Variants in DDX25 observed in about 807,000 individuals in gnomAD.
The protein encoded by DDX25 is DEAD-box helicase 25.
DDX25 carries 70 observed loss-of-function variants against 64.6 expected under a neutral mutation model. The observed-to-expected ratio is 1.08, with a 90% CI of 0.89 to 1.32. DDX25 has a LOEUF of 1.32. Among genes scored for constraint, DDX25 ranks in the 40% most tolerant of loss-of-function variants. The pLI, the probability that DDX25 is intolerant of heterozygous loss-of-function variation, is 0.00. For synonymous variants in DDX25, 211 were observed against 213.3 expected (o/e 0.99, Z 0.09); for missense variants, 587 against 604.4 (o/e 0.97, Z 0.30).
chr11:125,907,500 C>A (rs909697006), intron 4 of DDX25, among the ~76,000 whole-genome samples: 1 of 151,430 alleles, frequency 6.6e-6, no homozygotes, highest in Non-Finnish European at 1.5e-5. Context: ...CCTAGCTACT[C>A]GGGAGGCTGA....
rs1944950668 is a variant in DDX25, at chr11:125,910,398, T to C, written c.542T>C (p.Leu181Pro). ...LCLAPTYELALQTGRVVEQMG... is the reference protein window; with the variant it reads ...LCLAPTYELAPQTGRVVEQMG... ...CTAGCTCCTACTTATGAATTGGCTCTGCAAACTGGCCGTGTGGTTGAGCAG... is the reference window on the plus strand; with the variant it reads ...CTAGCTCCTACTTATGAATTGGCTCCGCAAACTGGCCGTGTGGTTGAGCAG... Residue 181 changes from leucine (L) to proline (P), a missense_variant, in exon 7 of 12, where the codon CTG becomes CCG. Coordinates refer to ENST00000263576, the MANE Select transcript of DDX25 (RefSeq NM_013264.5). The C allele has an allele frequency of 1.9e-6, 3 of 1,614,020 alleles. No individual in the cohort carries two copies. Among genetic ancestry groups the C allele is most frequent in the Non-Finnish European group, 2.5e-6 (3 of 1,179,890 alleles).
chr11:125,906,364 G>T (rs681416), intron 4 of DDX25, among the ~76,000 whole-genome samples, 155 bp downstream of exon 4: 41 of 151,464 alleles, frequency 2.7e-4, no homozygotes, highest in Middle Eastern at 3.4e-3. Context: ...CTGTCCCCCA[G>T]GCTGGAGTGC....
intron 9 of DDX25, among the ~76,000 whole-genome samples, chr11:125,918,028 G>A (rs557446312): frequency 6.6e-6 from 1 of 152,150 alleles, no homozygotes; most frequent in South Asian, 2.1e-4. Context: ...ACAGGCGCCT[G>A]CCACCACACC....
At chr11:125,916,697 C>T (rs1368388695) in intron 8 of DDX25, among the ~76,000 whole-genome samples, 1 of 152,234 alleles carries the variant, frequency 6.6e-6, no homozygotes, top group Non-Finnish European at 1.5e-5. Flanking sequence ...CTATAAAGAG[C>T]ATCTAGTCTA....
At chr11:125,914,884 A>G (rs767812977) in intron 8 of DDX25, among the ~76,000 whole-genome samples, 40 of 152,220 alleles carry the variant, frequency 2.6e-4, no homozygotes, top group Non-Finnish European at 5.6e-4. Context: ...CTGGGATCAC[A>G]GGCACGTGCC....
intron 10 of DDX25, among the ~76,000 whole-genome samples, chr11:125,920,652 T>C (rs532427119): frequency 6.6e-6 from 1 of 152,212 alleles, no homozygotes; most frequent in African/African-American, 2.4e-5. Flanking sequence ...GTGCTGGACA[T>C]TGCTGTGGTG....
rs1945068314 is a variant in DDX25 at position 125,918,507 on chromosome 11, T to C, written c.1039-121T>C. ...AGGCCCTGGAGGACTGAGGGAGAGG[T>C]GAAGCTCAACTCCTCTGCAGCCCTC... is the stretch of plus-strand genomic sequence containing the variant. On this transcript the variant is annotated intron_variant, in intron 9 of 11. Coordinates refer to ENST00000263576, the MANE Select transcript of DDX25 (RefSeq NM_013264.5). 6.9e-6 allele frequency: 9 copies of C among 1,311,158 alleles called. No homozygotes were observed. In the Admixed American group the frequency reaches 1.4e-4, roughly 20 times the overall value. 81.2% of individuals were successfully genotyped at this position (1,311,158 alleles called of 1,614,324 possible).
chr11:125,905,918 T>C (rs1370633540), intron 3 of DDX25, among the ~76,000 whole-genome samples, 156 bp from the exon 4 acceptor site: 1 of 152,190 alleles, frequency 6.6e-6, no homozygotes. Context: ...AAAGAACGAA[T>C]CCTCAGTGCT....
rs12417252 is a variant in DDX25 at position 125,925,135 on chromosome 11, C to T, written c.*2254C>T. 2,183 of 229,624 alleles carry T rather than the reference C, an allele frequency of 9.5e-3. 97 individuals are homozygous for T. The highest frequency in any genetic ancestry group is 0.084 in the Admixed American group (1,653 of 19,772). 14.2% of individuals were successfully genotyped at this position (229,624 alleles called of 1,614,324 possible). A position where few individuals can be genotyped will look rare whatever the true frequency, so the allele number is the denominator to read the frequency against. ...CCAGATACTTTGTTCTCTTACTATT[C>T]GAGAATCGAGTTGGACCTTCCACCG... On this transcript the variant is annotated 3_prime_UTR_variant, in exon 12 of 12. Transcript: ENST00000263576.
intron 4 of DDX25, among the ~76,000 whole-genome samples, chr11:125,907,115 C>T (rs1944898934): frequency 6.6e-6 from 1 of 152,064 alleles, no homozygotes; most frequent in Admixed American, 6.5e-5. Context: ...GTTTGCATTC[C>T]CTAGGGATTT....
Position 125,923,127 on chromosome 11 carries a change from G to A in DDX25, c.*246G>A, listed in dbSNP as rs1235400351. On this transcript the variant is annotated 3_prime_UTR_variant, in exon 12 of 12. Coordinates refer to ENST00000263576, the MANE Select transcript of DDX25 (RefSeq NM_013264.5). ...TTATTCTAATCTTTGTACAGGTAATGTCTCAATGTGGGCTATGGGGGTGTT... is the reference window on the plus strand; with the variant it reads ...TTATTCTAATCTTTGTACAGGTAATATCTCAATGTGGGCTATGGGGGTGTT... 2.2e-6 allele frequency: 1 copy of A among 462,860 alleles called. No homozygotes were observed. Among genetic ancestry groups the A allele is most frequent in the Non-Finnish European group, 3.9e-6 (1 of 259,006 alleles). 28.7% of individuals were successfully genotyped at this position (462,860 alleles called of 1,614,324 possible). A position where few individuals can be genotyped will look rare whatever the true frequency, so the allele number is the denominator to read the frequency against.
chr11:125,920,937 C>CACAG (rs1945104684), intron 10 of DDX25: 2 of 450,172 alleles, frequency 4.4e-6, no homozygotes, highest in African/African-American at 2.0e-5. Flanking sequence ...CACACACACA[C>CACAG]ACACACACAC....
At position 125,910,443 on chromosome 11, in the gene DDX25, A is replaced by T. The variant is rs1165907131; in HGVS notation, c.587A>T (p.Asp196Val). 1.9e-6 allele frequency: 3 copies of T among 1,613,984 alleles called. No individual in the cohort carries two copies. Among genetic ancestry groups the T allele is most frequent in the South Asian group, 2.2e-5 (2 of 91,080 alleles). The part of the protein sequence containing the change: ...VVEQMGKFCV[D>V]VQVMYAIRGN... ...GAGCAGATGGGAAAATTCTGTGTGG[A>T]TGTTCAAGTGATGTATGCCATTCGA... The change falls in exon 7 of 12, where the codon GAT becomes GTT. Residue 196 changes from aspartate (D) to valine (V), a missense_variant. By Grantham distance (152) the Asp-to-Val change is radical. Transcript: ENST00000263576.
intron 7 of DDX25, 98 bp from the exon 8 acceptor site, chr11:125,911,213 G>T (rs939677749): frequency 2.1e-5 from 24 of 1,127,634 alleles, no homozygotes; most frequent in Non-Finnish European, 2.7e-5. Context: ...ATTACAAACT[G>T]TATTTTTGCT....
At chr11:125,917,281 C>T (rs1945052211) in intron 9 of DDX25, 30 bp downstream of exon 9, 2 of 1,560,646 alleles carry the variant, frequency 1.3e-6, no homozygotes, top group Non-Finnish European at 1.7e-6. Flanking sequence ...CTTCATCGAG[C>T]CCAGATATGC....
At chr11:125,922,532 G>A (rs1299510812) in intron 11 of DDX25, 10 of 325,822 alleles carry the variant, frequency 3.1e-5, no homozygotes, top group Admixed American at 4.7e-5. Context: ...CTAAGGCCCT[G>A]GTCTCAGGAA....
At chr11:125,908,606 A>G (rs1944927471) in intron 6 of DDX25, 103 bp downstream of exon 6, 4 of 1,147,004 alleles carry the variant, frequency 3.5e-6, no homozygotes, top group South Asian at 1.3e-5. Context: ...TGGTGATGAA[A>G]TATTTAGAAA....
chr11:125,907,379 G>C (rs71475932), intron 4 of DDX25, among the ~76,000 whole-genome samples: 5,425 of 151,852 alleles, frequency 0.036, 148 homozygotes, highest in African/African-American at 0.075. Flanking sequence ...GAGGCCAAGG[G>C]GGGCGGATCA....
At chr11:125,918,866 C>T (rs575883431) in intron 10 of DDX25, 76 bp downstream of exon 10, 33 of 1,438,834 alleles carry the variant, frequency 2.3e-5, no homozygotes, top group Admixed American at 7.4e-5. Context: ...TACAGTTTCG[C>T]GAGTTTCGAC....
Sources: gnomAD v4.1 joint callset for allele counts (sites outside exome capture counted in the v4.1 genomes callset) on GRCh38, gnomAD v4.1.1 for gene constraint, MANE v1.5 for transcripts, NCBI Gene and HGNC (gene_info 2026-07-23, HGNC 2026-07-21) for gene names.